Variants in UTP20 observed in about 807,000 individuals in gnomAD.
The protein encoded by UTP20 is UTP20 small subunit processome component.
A neutral mutation model predicts 329.5 loss-of-function variants in UTP20; 164 were observed. The ratio of observed to expected loss-of-function variants is 0.50; its 90% CI spans 0.44 to 0.57. The LOEUF is 0.57. Ranked by LOEUF, UTP20 falls within the 20% of genes least tolerant of loss-of-function variation. The pLI is 0.00. For missense variants in UTP20, 3,055 were observed against 3,284.2 expected (o/e 0.93, Z 1.71); for synonymous variants, 1,151 against 1,159.3 (o/e 0.99, Z 0.14).
intron 22 of UTP20, among the ~76,000 whole-genome samples, chr12:101,318,859 G>A (rs1873060517): frequency 6.6e-6 from 1 of 150,864 alleles, no homozygotes; most frequent in Non-Finnish European, 1.5e-5. Context: ...AAGACCCAGG[G>A]AAGGCTCTCT....
At chr12:101,280,615 C>T (rs73376740) in intron 1 of UTP20, among the ~76,000 whole-genome samples, 6,084 of 152,280 alleles carry the variant, frequency 0.04, 405 homozygotes, top group African/African-American at 0.14. Context: ...GACCAATTCT[C>T]CCCTGCTCTT....
intron 38 of UTP20, among the ~76,000 whole-genome samples, chr12:101,348,458 A>T (rs918471512): frequency 3.3e-5 from 5 of 151,916 alleles, no homozygotes; most frequent in Non-Finnish European, 5.9e-5. Context: ...CTCTCCATTC[A>T]TTTTAAACCA....
At position 101,329,271 on chromosome 12, in the gene UTP20, T is replaced by A; in HGVS notation, c.3239T>A (p.Val1080Glu). The change falls in exon 27 of 62, where the codon GTA becomes GAA. Residue 1080 changes from valine to glutamate, a missense_variant. Physicochemically the swap from Val to Glu is moderately radical, Grantham distance 121. Coordinates refer to ENST00000261637, the MANE Select transcript of UTP20 (RefSeq NM_014503.3). Reference protein sequence around the residue: ...GECHSAVIQAVEDLDLSKVLP... With the variant: ...GECHSAVIQAEEDLDLSKVLP... Reference sequence around the variant, plus strand: ...TGCCATTCTGCAGTCATTCAAGCAGTAGAAGACTTGGATTTGTCTAAAGTT... The same window carrying A: ...TGCCATTCTGCAGTCATTCAAGCAGAAGAAGACTTGGATTTGTCTAAAGTT... The A allele has an allele frequency of 6.2e-7, 1 of 1,614,202 alleles. No homozygotes were observed. The highest frequency in any genetic ancestry group is 8.5e-7 in the Non-Finnish European group (1 of 1,180,032).
At chr12:101,383,713 T>A in intron 60 of UTP20, 44 bp downstream of exon 60, 1 of 1,430,348 alleles carries the variant, frequency 7.0e-7, no homozygotes. Flanking sequence ...CACATGAGGA[T>A]TTCTAACTTC....
chr12:101,285,893 C>T lies in UTP20; in HGVS notation c.326+12C>T, dbSNP rs762404239. The stretch of plus-strand genomic sequence containing the variant: ...CAACCCCTTTTGGAGTAAGTAGCAT[C>T]TTGAGAGAAAGCTCACAACTATATT... On this transcript the variant is annotated intron_variant, in intron 4 of 61. Coordinates refer to ENST00000261637, the MANE Select transcript of UTP20 (RefSeq NM_014503.3). 5.0e-6 allele frequency: 8 copies of T among 1,611,468 alleles called. No individual in the cohort carries two copies. The highest frequency in any genetic ancestry group is 6.8e-6 in the Non-Finnish European group (8 of 1,179,046).
rs1027302469 is a variant in UTP20 at position 101,354,270 on chromosome 12, A to G, written c.5108-562A>G. The stretch of plus-strand genomic sequence containing the variant: ...CGGCAAGACTCTGTCTCAAAAAAAA[A>G]AAAAAAAAAAAAAAGAAAAGAAATT... On this transcript the variant is annotated intron_variant, in intron 40 of 61. Coordinates refer to ENST00000261637, the MANE Select transcript of UTP20 (RefSeq NM_014503.3). Among the ~76,000 whole-genome samples the G allele has an allele frequency of 6.0e-5, 8 of 133,570 alleles. No homozygotes were observed. In the East Asian group the frequency reaches 8.6e-4, roughly 14 times the overall value. 87.6% of individuals were successfully genotyped at this position (133,570 alleles called of 152,430 possible). A position where few individuals can be genotyped will look rare whatever the true frequency, so the allele number is the denominator to read the frequency against.
intron 25 of UTP20, among the ~76,000 whole-genome samples, chr12:101,324,179 T>A (rs556608052): frequency 1.0e-3 from 159 of 151,702 alleles, no homozygotes; most frequent in African/African-American, 1.7e-3. Context: ...ATAATTTTTT[T>A]AAAAAAGTCT....
rs776935849 is a variant in UTP20, at chr12:101,342,827, A to C, written c.4286A>C (p.Asp1429Ala). The change falls in exon 34 of 62, where the codon GAT becomes GCT. Residue 1429 changes from aspartate (D) to alanine (A), a missense_variant. Around this residue, in one of 3 missense-constraint regions of UTP20, gnomAD observed 2,445 missense variants for 2,575.5 expected, o/e 0.95. Coordinates refer to ENST00000261637, the MANE Select transcript of UTP20 (RefSeq NM_014503.3). ...GAGAGTGGGTTAAAATATATTACTG[A>C]TGTTGTCAAGGTAAGAAAGAAGGGT... ...DFESGLKYIT[D>A]VVKLNAFDQR... The C allele has an allele frequency of 1.9e-6, 3 of 1,613,256 alleles. No homozygotes were observed. The highest frequency in any genetic ancestry group is 1.6e-4 in the Middle Eastern group (1 of 6,076).
intron 38 of UTP20, among the ~76,000 whole-genome samples, chr12:101,350,371 T>C (rs1312047166): frequency 1.5e-4 from 23 of 152,060 alleles, no homozygotes. Context: ...GGTTCTCGCT[T>C]TGTTGCCCAG....
chr12:101,374,107 C>A (rs1008397646), intron 54 of UTP20, among the ~76,000 whole-genome samples: 4 of 149,914 alleles, frequency 2.7e-5, no homozygotes, highest in Non-Finnish European at 6.0e-5. Flanking sequence ...TAGTGGCGGG[C>A]GCCTGTAGTC....
intron 51 of UTP20, among the ~76,000 whole-genome samples, chr12:101,372,093 C>T (rs761961040): frequency 1.3e-5 from 2 of 152,200 alleles, no homozygotes; most frequent in Non-Finnish European, 2.9e-5. Flanking sequence ...GGGTCAGCTG[C>T]TATTAAGCAC....
At position 101,351,942 on chromosome 12, in the gene UTP20, C is replaced by A. The variant is rs192887953; in HGVS notation, c.4885-113C>A. On this transcript the variant is annotated intron_variant, in intron 38 of 61. Coordinates refer to ENST00000261637, the MANE Select transcript of UTP20 (RefSeq NM_014503.3). ...AAAAAATTAGTATAGTTTGGACATT[C>A]TTTCTCTTCTGTAATTACTGAGAAC... 107 of 1,274,494 alleles carry A rather than the reference C, an allele frequency of 8.4e-5. 1 individual carries two copies. The highest frequency in any genetic ancestry group is 3.3e-6 in the Non-Finnish European group (3 of 906,500). 78.9% of individuals were successfully genotyped at this position (1,274,494 alleles called of 1,614,324 possible).
chr12:101,284,117 CA>C (rs1871884141), intron 2 of UTP20, among the ~76,000 whole-genome samples: 2 of 151,720 alleles, frequency 1.3e-5, no homozygotes, highest in South Asian at 2.1e-4. Flanking sequence ...ATTTTAGATA[CA>C]GGGGGTACCT....
intron 19 of UTP20, 104 bp downstream of exon 19, chr12:101,309,943 A>G (rs983285956): frequency 8.7e-5 from 88 of 1,006,550 alleles, no homozygotes; most frequent in Middle Eastern, 3.2e-4. Flanking sequence ...GAATGGGTGT[A>G]TATGGTATTT....
chr12:101,319,991 A>T (rs925423866), intron 23 of UTP20, among the ~76,000 whole-genome samples: 2 of 152,226 alleles, frequency 1.3e-5, no homozygotes, highest in Non-Finnish European at 2.9e-5. Context: ...GTCAGACTTC[A>T]TAGAGGACTG....
At chr12:101,382,305 A>C (rs958619558) in intron 58 of UTP20, among the ~76,000 whole-genome samples, 1 of 151,904 alleles carries the variant, frequency 6.6e-6, no homozygotes, top group African/African-American at 2.4e-5. Context: ...TGGCTGAGGC[A>C]TAAGAATTGC....
chr12:101,368,054 G>T, intron 48 of UTP20, 78 bp downstream of exon 48: 2 of 1,017,662 alleles, frequency 2.0e-6, no homozygotes, highest in South Asian at 2.8e-5. Context: ...CCTAATGGTT[G>T]TATTTGGGCT....
intron 43 of UTP20, among the ~76,000 whole-genome samples, chr12:101,357,823 G>A (rs571164771): frequency 1.3e-5 from 2 of 152,260 alleles, no homozygotes; most frequent in East Asian, 1.9e-4. Context: ...CTAGCCCCTC[G>A]CTGCTCCAAG....
rs1435607077 is a variant in UTP20, at chr12:101,374,979, A to G, written c.7263+40A>G. The G allele has an allele frequency of 2.7e-6, 4 of 1,505,238 alleles. No individual in the cohort carries two copies. The African/African-American group carries it at 5.5e-5, about 21-fold the overall frequency. The allele number at this position is 1,505,238 out of a possible 1,614,324, so 93.2% of individuals were successfully genotyped here. A position where few individuals can be genotyped will look rare whatever the true frequency, so the allele number is the denominator to read the frequency against. On this transcript the variant is annotated intron_variant, in intron 55 of 61. Transcript: ENST00000261637. ...AGGGAATAAAACTTTTCTAACTTAT[A>G]GTTTTACTTGAGGTGATGTAGCTAA...
Sources: gnomAD v4.1 joint callset for allele counts (sites outside exome capture counted in the v4.1 genomes callset) on GRCh38, gnomAD v4.1.1 for gene constraint, gnomAD v4.1.1 regional missense constraint, MANE v1.5 for transcripts, NCBI Gene and HGNC (gene_info 2026-07-23, HGNC 2026-07-21) for gene names.